LANCL3: variants seen among roughly 807,000 people sequenced by gnomAD.
LANCL3 encodes LanC like family member 3.
A neutral mutation model predicts 26.5 loss-of-function variants in LANCL3; 19 were observed. That is an observed-to-expected ratio of 0.72 (90% CI 0.50 to 1.05). The LOEUF (loss-of-function observed/expected upper bound fraction) is 1.05, where lower values mean the gene tolerates loss of function less well. LANCL3 is among the 50% of genes least tolerant of loss of function. LANCL3 has a pLI of 0.00. For missense variants in LANCL3, 318 were observed against 362.7 expected (o/e 0.88, Z 1.00); for synonymous variants, 160 against 166.6 (o/e 0.96, Z 0.30).
chrX:37,634,912 A>G (rs782039812), intron 1 of LANCL3, among the ~76,000 whole-genome samples: 39 of 111,645 alleles, frequency 3.5e-4, no homozygotes, highest in Admixed American at 1.5e-3. Context: ...GGTAAATGGT[A>G]TATGAGAATT....
At chrX:37,655,556 G>C (rs372002709) in intron 1 of LANCL3, 132 bp from the exon 2 acceptor site, 3 of 451,517 alleles carry the variant, frequency 6.6e-6, no homozygotes, top group Non-Finnish European at 1.0e-5. Flanking sequence ...ATAAATTTTC[G>C]TTGACTAAGT....
chrX:37,591,443 A>T (rs1392813368), intron 1 of LANCL3, among the ~76,000 whole-genome samples: 3 of 111,400 alleles, frequency 2.7e-5, no homozygotes, highest in African/African-American at 9.8e-5. Flanking sequence ...AGACTCCCAG[A>T]TACTTTCCCA....
rs1272335790 is a variant in LANCL3, at chrX:37,634,619, T to G, written c.574-21069T>G. 5.3e-5 allele frequency among the ~76,000 whole-genome samples: 6 copies of G among 112,807 alleles called. No individual in the cohort carries two copies. The Admixed American group carries it at 5.6e-4, about 11-fold the overall frequency. On this transcript the variant is annotated intron_variant, in intron 1 of 4. Coordinates refer to ENST00000378619, the MANE Select transcript of LANCL3 (RefSeq NM_001170331.2). ...TTGTAATGTGTGATTTTGGATTGGT[T>G]CCTGTGACAGAAAATAAAATAGCTG...
intron 1 of LANCL3, among the ~76,000 whole-genome samples, chrX:37,622,743 A>G (rs974922592): frequency 8.9e-6 from 1 of 111,860 alleles, no homozygotes; most frequent in Admixed American, 9.5e-5. Flanking sequence ...GGCCTTTGCT[A>G]ATGCTGTTTT....
intron 1 of LANCL3, among the ~76,000 whole-genome samples, chrX:37,639,600 A>C (rs1177693505): frequency 9.0e-6 from 1 of 111,007 alleles, no homozygotes; most frequent in Non-Finnish European, 1.9e-5. Context: ...TGACTAGGAA[A>C]ATATCCAGCT....
chrX:37,584,532 C>G (rs1924003810), intron 1 of LANCL3, among the ~76,000 whole-genome samples: 1 of 111,160 alleles, frequency 9.0e-6, no homozygotes, highest in Non-Finnish European at 1.9e-5. Flanking sequence ...CAACTTCTTC[C>G]TGGTTTATTG....
intron 1 of LANCL3, among the ~76,000 whole-genome samples, chrX:37,637,586 A>G (rs966928412): frequency 8.9e-6 from 1 of 111,769 alleles, no homozygotes; most frequent in Non-Finnish European, 1.9e-5. Context: ...ATAGTCCACC[A>G]TGAAGTAAGG....
chrX:37,616,757 A>G (rs1191083441), intron 1 of LANCL3, among the ~76,000 whole-genome samples: 10 of 111,826 alleles, frequency 8.9e-5, no homozygotes, highest in Admixed American at 9.5e-5. Flanking sequence ...GACAAGGATA[A>G]TACAAATGGT....
chrX:37,637,282 A>G, intron 1 of LANCL3, among the ~76,000 whole-genome samples: 1 of 111,896 alleles, frequency 8.9e-6, no homozygotes. Flanking sequence ...GACGGACACT[A>G]TTGCCGACCA....
chrX:37,642,928 T>G (rs782144819), intron 1 of LANCL3, among the ~76,000 whole-genome samples: 11 of 112,577 alleles, frequency 9.8e-5, no homozygotes, highest in Non-Finnish European at 1.9e-4. Flanking sequence ...AAGCAACTAT[T>G]CATCCCTATA....
At chrX:37,611,726 C>T (rs1231935202) in intron 1 of LANCL3, among the ~76,000 whole-genome samples, 2 of 111,126 alleles carry the variant, frequency 1.8e-5, no homozygotes, top group Non-Finnish European at 3.8e-5. Flanking sequence ...AGCCAGAGTG[C>T]CAGAGTTTGA....
chrX:37,593,885 A>G (rs782295699), intron 1 of LANCL3, among the ~76,000 whole-genome samples: 1 of 112,423 alleles, frequency 8.9e-6, no homozygotes, highest in East Asian at 2.8e-4. Flanking sequence ...ATATAGCTTA[A>G]TATATCCATT....
chrX:37,678,509 A>G lies in LANCL3; in HGVS notation c.*2696A>G, dbSNP rs1926866040. 8.9e-6 allele frequency: 1 copy of G among 112,038 alleles called. No individual in the cohort carries two copies. Among genetic ancestry groups the G allele is most frequent in the Admixed American group, 9.5e-5 (1 of 10,581 alleles). 9.2% of individuals were successfully genotyped at this position (112,038 alleles called of 1,213,427 possible). On this transcript the variant is annotated 3_prime_UTR_variant, in exon 5 of 5. Transcript: ENST00000378619. ...GAAATGTTTGAGGATACATTGAAAT[A>G]GTCTCTCAATAATGGGGAGACTGCA...
chrX:37,639,861 C>T (rs188404085), intron 1 of LANCL3, among the ~76,000 whole-genome samples: 3 of 111,343 alleles, frequency 2.7e-5, no homozygotes, highest in East Asian at 5.6e-4. Flanking sequence ...TTTTAACTCA[C>T]CATGTAATTA....
chrX:37,598,911 G>A (rs1032135892), intron 1 of LANCL3, among the ~76,000 whole-genome samples: 2 of 112,507 alleles, frequency 1.8e-5, no homozygotes, highest in East Asian at 2.8e-4. Flanking sequence ...CACAGACCAC[G>A]AGAGTCACGT....
Position 37,681,937 on chromosome X carries a change from A to C in LANCL3, c.*6124A>C, listed in dbSNP as rs1602141351. 9.0e-6 allele frequency: 1 copy of C among 111,665 alleles called. No individual in the cohort carries two copies. Among genetic ancestry groups the C allele is most frequent in the East Asian group, 2.8e-4 (1 of 3,574 alleles). The allele number at this position is 111,665 out of a possible 1,213,427, so 9.2% of individuals were successfully genotyped here. On this transcript the variant is annotated 3_prime_UTR_variant, in exon 5 of 5. Coordinates refer to ENST00000378619, the MANE Select transcript of LANCL3 (RefSeq NM_001170331.2). ...ACATAGATCTTCAGAAAGTACCAAA[A>C]TATATACCTTCCTCTTATTCTTTCA...
intron 1 of LANCL3, among the ~76,000 whole-genome samples, chrX:37,581,518 A>G (rs1556417021): frequency 8.9e-6 from 1 of 112,182 alleles, no homozygotes; most frequent in African/African-American, 3.2e-5. Context: ...ATTCCCAAAC[A>G]GAAAGCATGA....
chrX:37,651,211 G>A (rs1228564922), intron 1 of LANCL3, among the ~76,000 whole-genome samples: 1 of 111,587 alleles, frequency 9.0e-6, no homozygotes, highest in Non-Finnish European at 1.9e-5. Flanking sequence ...TGTCTTTACG[G>A]CAGCATGATT....
intron 1 of LANCL3, among the ~76,000 whole-genome samples, chrX:37,615,569 G>T (rs1924982910): frequency 8.9e-6 from 1 of 111,737 alleles, no homozygotes. Flanking sequence ...TCTAACAGAT[G>T]GCTATTATAT....
Sources: allele counts gnomAD v4.1 joint callset (sites outside exome capture counted in the v4.1 genomes callset), GRCh38; gene constraint gnomAD v4.1.1; transcripts MANE v1.5; gene names NCBI Gene and HGNC (gene_info 2026-07-23, HGNC 2026-07-21).